FIG4: variants seen among roughly 807,000 people sequenced by gnomAD.
FIG4 encodes the protein FIG4 phosphoinositide 5-phosphatase.
Under a neutral mutation model 118.6 loss-of-function variants are expected in FIG4, and 112 were observed. The observed-to-expected ratio is 0.94, with a 90% CI of 0.81 to 1.11. The LOEUF is 1.11. FIG4 is among the 50% of genes least tolerant of loss of function. FIG4 has a pLI of 0.00. For synonymous variants in FIG4, 369 were observed against 381.2 expected, an observed-to-expected ratio of 0.97 and a Z score of 0.37; for missense variants, 969 against 1,111.7, an observed-to-expected ratio of 0.87 and a Z score of 1.83.
intron 18 of FIG4, 31 bp from the exon 19 acceptor site, chr6:109,789,563 C>G: frequency 6.8e-7 from 1 of 1,470,236 alleles, no homozygotes; most frequent in Non-Finnish European, 9.5e-7. Flanking sequence ...GACAGTAATT[C>G]ATATGTAATT....
chr6:109,695,648 G>A (rs1163800471), intron 1 of FIG4, among the ~76,000 whole-genome samples: 1 of 151,266 alleles, frequency 6.6e-6, no homozygotes, highest in Non-Finnish European at 1.5e-5. Flanking sequence ...CTTTCCTCTT[G>A]GCCCGTCTGC....
Position 109,691,365 on chromosome 6 carries a change from T to G in FIG4, c.-71T>G, listed in dbSNP as rs1583610799. The G allele has an allele frequency of 7.7e-7, 1 of 1,305,044 alleles. No homozygotes were observed. 80.8% of individuals were successfully genotyped at this position (1,305,044 alleles called of 1,614,324 possible). On this transcript the variant is annotated 5_prime_UTR_variant, in exon 1 of 23. Transcript: ENST00000230124. ...GACTTGATGTCCAGGGCCTGAGGGG[T>G]TTTCTCGCCGAGTCTCCTGGGGCGG...
chr6:109,707,568 A>G (rs1775126803), intron 1 of FIG4, among the ~76,000 whole-genome samples: 1 of 151,896 alleles, frequency 6.6e-6, no homozygotes, highest in African/African-American at 2.4e-5. Flanking sequence ...CTTACCTTTT[A>G]AAGTGTTACC....
At chr6:109,700,170 T>C (rs1011345009) in intron 1 of FIG4, among the ~76,000 whole-genome samples, 12 of 152,340 alleles carry the variant, frequency 7.9e-5, no homozygotes, top group Non-Finnish European at 1.0e-4. Flanking sequence ...TCAACTTATC[T>C]TTCTCTAGCT....
At chr6:109,699,966 A>G (rs548808301) in intron 1 of FIG4, among the ~76,000 whole-genome samples, 33 of 152,208 alleles carry the variant, frequency 2.2e-4, no homozygotes, top group Admixed American at 1.3e-4. Context: ...CTGTGTCCAC[A>G]CACAATGGAA....
At chr6:109,691,541 G>T (rs1483510006) in intron 1 of FIG4, 40 bp downstream of exon 1, 4 of 1,510,252 alleles carry the variant, frequency 2.6e-6, no homozygotes, top group South Asian at 1.2e-5. Flanking sequence ...CGGGAGGATG[G>T]ATGTCTGCCG....
At chr6:109,790,190 T>C (rs1345286741) in intron 19 of FIG4, among the ~76,000 whole-genome samples, 1 of 152,208 alleles carries the variant, frequency 6.6e-6, no homozygotes, top group East Asian at 1.9e-4. Context: ...TGAGAACCTC[T>C]TTCCCTTCCA....
At chr6:109,741,394 G>A in intron 7 of FIG4, 50 bp from the exon 8 acceptor site, 1 of 1,117,936 alleles carries the variant, frequency 8.9e-7, no homozygotes, top group South Asian at 1.2e-5. Flanking sequence ...GACTCTCTTG[G>A]TCTTATGTGA....
At chr6:109,819,337 G>C (rs1778943764) in intron 22 of FIG4, among the ~76,000 whole-genome samples, 1 of 152,218 alleles carries the variant, frequency 6.6e-6, no homozygotes, top group Non-Finnish European at 1.5e-5. Flanking sequence ...TAGCCATCCA[G>C]GGCTCCTTTG....
intron 1 of FIG4, among the ~76,000 whole-genome samples, chr6:109,702,586 T>C (rs1423024886): frequency 6.6e-6 from 1 of 152,178 alleles, no homozygotes; most frequent in Non-Finnish European, 1.5e-5. Flanking sequence ...TACTTGCATG[T>C]ATATATGCCT....
chr6:109,727,142 T>C lies in FIG4; in HGVS notation c.323T>C (p.Val108Ala). ...AGGTTCTTAGAAGGCTATTATATTG[T>C]GTTAATAACTAAAAGGAGGAAGATG... ...FVRFLEGYYI[V>A]LITKRRKMAD... Residue 108 changes from valine (V) to alanine (A), a missense_variant, in exon 4 of 23, where the codon GTG becomes GCG. Val to Ala is a moderately conservative substitution (Grantham distance 64). Around this residue, in one of 3 missense-constraint regions of FIG4, gnomAD observed 393 missense variants for 409.4 expected, o/e 0.96. Coordinates refer to ENST00000230124, the MANE Select transcript of FIG4 (RefSeq NM_014845.6). 1 of 1,611,586 alleles carries C rather than the reference T, an allele frequency of 6.2e-7. No homozygotes were observed. Among genetic ancestry groups the C allele is most frequent in the Non-Finnish European group, 8.5e-7 (1 of 1,177,676 alleles).
chr6:109,712,379 T>C (rs1428027395), intron 1 of FIG4, among the ~76,000 whole-genome samples: 1 of 152,236 alleles, frequency 6.6e-6, no homozygotes, highest in African/African-American at 2.4e-5. Flanking sequence ...CTTTCTGGTA[T>C]ACCAGTGAGT....
chr6:109,822,912 G>GTATA (rs143212020), intron 22 of FIG4, among the ~76,000 whole-genome samples: 1 of 145,854 alleles, frequency 6.9e-6, no homozygotes, highest in Non-Finnish European at 1.5e-5. Flanking sequence ...TAGTGTGTGT[G>GTATA]TATATATATA....
intron 1 of FIG4, among the ~76,000 whole-genome samples, chr6:109,692,745 G>A (rs555283159): frequency 1.3e-5 from 2 of 151,610 alleles, no homozygotes; most frequent in Non-Finnish European, 2.9e-5. Context: ...CACCCAGGCC[G>A]GAGTGCAGTG....
intron 22 of FIG4, among the ~76,000 whole-genome samples, chr6:109,818,202 CT>C (rs71830695): frequency 0.036 from 5,141 of 144,452 alleles, 218 homozygotes; most frequent in African/African-American, 0.11. Flanking sequence ...ATTCACATAA[CT>C]TTTTTTTTTT....
chr6:109,752,626 A>T (rs1006035394), intron 10 of FIG4, among the ~76,000 whole-genome samples: 17 of 152,192 alleles, frequency 1.1e-4, no homozygotes, highest in African/African-American at 4.1e-4. Context: ...TGTTGGCTGC[A>T]TAAATGTCTT....
rs181469600 is a variant in FIG4, at chr6:109,765,257, C to G, written c.1583+96C>G. On this transcript the variant is annotated intron_variant, in intron 14 of 22. Coordinates refer to ENST00000230124, the MANE Select transcript of FIG4 (RefSeq NM_014845.6). ...TTTATGAAAGCGTTTCTACTTTTAGCTTCTCAAAAATTATGTTGCTAGAAA... is the reference window on the plus strand; with the variant it reads ...TTTATGAAAGCGTTTCTACTTTTAGGTTCTCAAAAATTATGTTGCTAGAAA... 5.9e-5 allele frequency: 58 copies of G among 978,002 alleles called. No homozygotes were observed. The African/African-American group carries it at 7.3e-4, about 12-fold the overall frequency. 60.6% of individuals were successfully genotyped at this position (978,002 alleles called of 1,614,324 possible).
At chr6:109,821,480 G>T (rs994663178) in intron 22 of FIG4, among the ~76,000 whole-genome samples, 15 of 152,188 alleles carry the variant, frequency 9.9e-5, no homozygotes, top group African/African-American at 3.6e-4. Flanking sequence ...AATAAAAGAG[G>T]TTAAAACAGA....
chr6:109,695,269 C>G (rs1420466565), intron 1 of FIG4, among the ~76,000 whole-genome samples: 1 of 152,142 alleles, frequency 6.6e-6, no homozygotes, highest in African/African-American at 2.4e-5. Flanking sequence ...CTTTTTTACT[C>G]TGTTAACTAA....
Sources: allele counts gnomAD v4.1 joint callset (sites outside exome capture counted in the v4.1 genomes callset), GRCh38; gene constraint gnomAD v4.1.1; regional missense constraint gnomAD v4.1.1; transcripts MANE v1.5; gene names NCBI Gene and HGNC (gene_info 2026-07-23, HGNC 2026-07-21).